The following CPO variants were observed in gnomAD, a reference collection of about 807,000 sequenced individuals.
CPO encodes the protein metallocarboxypeptidase C.
A neutral mutation model predicts 41.2 loss-of-function variants in CPO; 43 were observed. The observed-to-expected ratio is 1.04, with a 90% CI of 0.82 to 1.35. CPO has a LOEUF of 1.35. Ranked by LOEUF, CPO falls within the 40% of genes most tolerant of loss-of-function variation. The pLI, the probability that CPO is intolerant of heterozygous loss-of-function variation, is 0.00. For missense variants in CPO, 408 were observed against 451.7 expected (o/e 0.90, Z 0.88); for synonymous variants, 178 against 162.7 (o/e 1.09, Z -0.72).
rs13420911 is a variant in CPO at position 206,955,552 on chromosome 2, G to A, written c.255G>A (p.Met85Ile). ...GAGTGACCTATGAGACCCACCCCAT[G>A]TATTATCTGAAGGTGAGTGAGAAGG... ...FLGVTYETHPMYYLKISQPSG... is the reference protein window; with the variant it reads ...FLGVTYETHPIYYLKISQPSG... Residue 85 changes from methionine to isoleucine, a missense_variant, in exon 3 of 9, where the codon ATG becomes ATA. Coordinates refer to ENST00000272852, the MANE Select transcript of CPO (RefSeq NM_173077.3). 0.45 allele frequency: 705,276 copies of A among 1,554,610 alleles called. 164,268 individuals are homozygous for A. Among genetic ancestry groups the A allele is most frequent in the Non-Finnish European group, 0.48 (540,825 of 1,125,508 alleles).
chr2:206,945,343 A>G (rs1693123142), intron 1 of CPO, among the ~76,000 whole-genome samples: 1 of 110,212 alleles, frequency 9.1e-6, no homozygotes, highest in South Asian at 2.8e-4. Flanking sequence ...TTCATACTCC[A>G]ATGCCATTAA....
At chr2:206,950,156 A>G (rs907807118) in intron 2 of CPO, among the ~76,000 whole-genome samples, 3 of 152,140 alleles carry the variant, frequency 2.0e-5, no homozygotes, top group African/African-American at 4.8e-5. Flanking sequence ...AGTTCTCAAG[A>G]GGGGAAAACT....
chr2:206,968,694 A>G (rs572003215), intron 8 of CPO, among the ~76,000 whole-genome samples: 1 of 152,358 alleles, frequency 6.6e-6, no homozygotes, highest in East Asian at 1.9e-4. Flanking sequence ...AGGACCCATC[A>G]GGCTAAGAAA....
chr2:206,961,832 C>G (rs1693483456), intron 6 of CPO, among the ~76,000 whole-genome samples: 3 of 152,104 alleles, frequency 2.0e-5, no homozygotes, highest in South Asian at 2.1e-4. Context: ...TGGCTCATGC[C>G]TGTAATCCCA....
rs568972375 is a variant in CPO at position 206,960,032 on chromosome 2, A to G, written c.483+291A>G. ...ATGTTTGTGGATTGCCTGCCACCCA[A>G]TTAGGATTATATTGATAAAAATTCA... is the stretch of plus-strand genomic sequence containing the variant. On this transcript the variant is annotated intron_variant, in intron 5 of 8. Coordinates refer to ENST00000272852, the MANE Select transcript of CPO (RefSeq NM_173077.3). 8.5e-5 allele frequency among the ~76,000 whole-genome samples: 13 copies of G among 152,258 alleles called. 1 individual carries two copies. The East Asian group carries it at 2.5e-3, about 29-fold the overall frequency.
chr2:206,943,211 C>T (rs939488587), intron 1 of CPO, among the ~76,000 whole-genome samples: 6 of 152,102 alleles, frequency 3.9e-5, no homozygotes, highest in African/African-American at 1.2e-4. Flanking sequence ...AAAACCCAAA[C>T]ATTTGCTAAA....
Position 206,969,258 on chromosome 2 carries a change from C to T in CPO, c.947C>T (p.Thr316Ile), listed in dbSNP as rs763241786. The T allele has an allele frequency of 6.2e-6, 10 of 1,613,998 alleles. No homozygotes were observed. The East Asian group carries it at 1.3e-4, about 22-fold the overall frequency. Residue 316 changes from threonine to isoleucine, a missense_variant, in exon 9 of 9, where the codon ACA (threonine) becomes ATA (isoleucine). Transcript: ENST00000272852. ...ACGTTTGAGCTGAGGGACAGTGGAA[C>T]ATATGGGTTTGTTCTGCCAGAAGCT... is the stretch of plus-strand genomic sequence containing the variant. ...SYTFELRDSGTYGFVLPEAQI... is the reference protein window; with the variant it reads ...SYTFELRDSGIYGFVLPEAQI...
intron 2 of CPO, among the ~76,000 whole-genome samples, chr2:206,952,072 T>C (rs929447025): frequency 6.6e-6 from 1 of 152,226 alleles, no homozygotes; most frequent in Non-Finnish European, 1.5e-5. Context: ...TGAATGTCAA[T>C]TGAGATATAA....
At position 206,962,493 on chromosome 2, in the gene CPO, C is replaced by A; in HGVS notation, c.656C>A (p.Ala219Asp). The A allele has an allele frequency of 6.2e-7, 1 of 1,614,070 alleles. No homozygotes were observed. Among genetic ancestry groups the A allele is most frequent in the Non-Finnish European group, 8.5e-7 (1 of 1,179,902 alleles). ...PVSEPETKAVASFIESKKDDI... is the reference protein window; with the variant it reads ...PVSEPETKAVDSFIESKKDDI... The stretch of plus-strand genomic sequence containing the variant: ...TCTGAACCAGAGACTAAAGCTGTTG[C>A]CAGCTTCATAGAGAGCAAGAAGGAT... Residue 219 changes from alanine to aspartate, a missense_variant, in exon 7 of 9, where the codon GCC (alanine) becomes GAC (aspartate). By Grantham distance (126) the Ala-to-Asp change is moderately radical. Transcript: ENST00000272852.
chr2:206,952,444 G>A (rs1693282626), intron 2 of CPO, among the ~76,000 whole-genome samples: 2 of 152,148 alleles, frequency 1.3e-5, no homozygotes, highest in Admixed American at 1.3e-4. Context: ...ACTCTTGGTT[G>A]TTGTCAGAGA....
chr2:206,967,965 A>C (rs1369954779), intron 7 of CPO, among the ~76,000 whole-genome samples: 1 of 152,176 alleles, frequency 6.6e-6, no homozygotes, highest in African/African-American at 2.4e-5. Context: ...GCAACTTGGA[A>C]ACTGTTTTAG....
intron 7 of CPO, among the ~76,000 whole-genome samples, chr2:206,967,797 CTT>C (rs1056365005): frequency 1.3e-5 from 2 of 152,138 alleles, no homozygotes; most frequent in Non-Finnish European, 2.9e-5. Context: ...CTCTTGAAGA[CTT>C]TTCCACAGGA....
chr2:206,944,668 A>C (rs2105818716), intron 1 of CPO, among the ~76,000 whole-genome samples: 2 of 152,164 alleles, frequency 1.3e-5, no homozygotes, highest in South Asian at 4.1e-4. Flanking sequence ...TGAACAATGT[A>C]ATAAAACATC....
chr2:206,950,451 G>A (rs71219925), intron 2 of CPO, among the ~76,000 whole-genome samples: 1 of 152,196 alleles, frequency 6.6e-6, no homozygotes. Flanking sequence ...AGGATGTGGA[G>A]AAATAGGAAC....
chr2:206,951,939 A>G (rs1196099508), intron 2 of CPO, among the ~76,000 whole-genome samples: 1 of 152,234 alleles, frequency 6.6e-6, no homozygotes, highest in East Asian at 1.9e-4. Context: ...AGATATAAAC[A>G]TAACTACCCA....
chr2:206,944,677 T>C (rs1471801749), intron 1 of CPO, among the ~76,000 whole-genome samples: 1 of 152,044 alleles, frequency 6.6e-6, no homozygotes, highest in African/African-American at 2.4e-5. Flanking sequence ...TAATAAAACA[T>C]CTTTAATTTT....
At chr2:206,961,221 T>C (rs561486427) in intron 6 of CPO, among the ~76,000 whole-genome samples, 155 of 152,320 alleles carry the variant, frequency 1.0e-3, no homozygotes, top group African/African-American at 3.1e-3. Context: ...TGTTTTTAAA[T>C]ATATGAATTA....
Position 206,969,261 on chromosome 2 carries a change from A to T in CPO, c.950A>T (p.Tyr317Phe). The T allele has an allele frequency of 6.2e-7, 1 of 1,614,092 alleles. No individual in the cohort carries two copies. Among genetic ancestry groups the T allele is most frequent in the South Asian group, 1.1e-5 (1 of 91,068 alleles). The change falls in exon 9 of 9, where the codon TAT (tyrosine) becomes TTT (phenylalanine). Residue 317 changes from tyrosine to phenylalanine, a missense_variant. Physicochemically the swap from Tyr to Phe is conservative, Grantham distance 22. Transcript: ENST00000272852. ...TTTGAGCTGAGGGACAGTGGAACAT[A>T]TGGGTTTGTTCTGCCAGAAGCTCAG... ...YTFELRDSGT[Y>F]GFVLPEAQIQ...
intron 1 of CPO, among the ~76,000 whole-genome samples, chr2:206,942,309 G>A (rs915750063): frequency 2.0e-5 from 3 of 152,010 alleles, no homozygotes; most frequent in Non-Finnish European, 4.4e-5. Flanking sequence ...AATATCAGTA[G>A]CAGTTAACTC....
Sources: allele counts gnomAD v4.1 joint callset (sites outside exome capture counted in the v4.1 genomes callset), GRCh38; gene constraint gnomAD v4.1.1; transcripts MANE v1.5; gene names NCBI Gene and HGNC (gene_info 2026-07-23, HGNC 2026-07-21).